Variants in TBC1D2B observed in about 807,000 individuals in gnomAD.
TBC1D2B encodes the protein TBC1 domain family, member 2B.
In TBC1D2B, 64 loss-of-function variants were observed where a neutral mutation model predicts 100.8. The ratio of observed to expected loss-of-function variants is 0.64; its 90% CI spans 0.52 to 0.78. TBC1D2B has a LOEUF of 0.78. TBC1D2B is among the 30% of genes least tolerant of loss of function. The pLI, the probability that TBC1D2B is intolerant of heterozygous loss-of-function variation, is 0.00. For missense variants in TBC1D2B, 1,052 were observed against 1,218.4 expected (o/e 0.86, Z 2.03); for synonymous variants, 480 against 479.7 (o/e 1.00, Z -0.01).
At chr15:78,059,457 G>A (rs1342583374) in intron 1 of TBC1D2B, among the ~76,000 whole-genome samples, 1 of 152,190 alleles carries the variant, frequency 6.6e-6, no homozygotes, top group Non-Finnish European at 1.5e-5. Context: ...CTACATGGCT[G>A]CATGAACGTC....
At chr15:78,031,340 G>A (rs1035215652) in intron 3 of TBC1D2B, among the ~76,000 whole-genome samples, 5 of 152,080 alleles carry the variant, frequency 3.3e-5, no homozygotes, top group African/African-American at 9.7e-5. Context: ...TATCACCTGA[G>A]GTCAGGAGTT....
intron 1 of TBC1D2B, among the ~76,000 whole-genome samples, chr15:78,057,560 T>C (rs2073451666): frequency 6.6e-6 from 1 of 152,016 alleles, no homozygotes; most frequent in Admixed American, 6.6e-5. Flanking sequence ...GCAGGAGAAC[T>C]GCTTGAACCC....
chr15:78,028,747 A>G (rs1235710874), intron 4 of TBC1D2B, among the ~76,000 whole-genome samples: 3 of 152,360 alleles, frequency 2.0e-5, no homozygotes, highest in African/African-American at 7.2e-5. Context: ...CAGGAATTAC[A>G]TGGGACAGAG....
chr15:78,052,856 T>C (rs1395745379), intron 2 of TBC1D2B, among the ~76,000 whole-genome samples: 1 of 152,114 alleles, frequency 6.6e-6, no homozygotes, highest in Non-Finnish European at 1.5e-5. Context: ...AACAACTCAG[T>C]TAACAGTGAC....
At position 78,012,576 on chromosome 15, in the gene TBC1D2B, G is replaced by A. The variant is rs1224332478; in HGVS notation, c.2270+247C>T. Among the ~76,000 whole-genome samples, 5 of 152,212 alleles carry A rather than the reference G, an allele frequency of 3.3e-5. No homozygotes were observed. In the East Asian group the frequency reaches 9.6e-4, roughly 29 times the overall value. On this transcript the variant is annotated intron_variant, in intron 9 of 12. Coordinates refer to ENST00000300584, the MANE Select transcript of TBC1D2B (RefSeq NM_144572.2). ...GCGATGAGAACAAACAGGAAAAAAT[G>A]AGACTCCAAGTAGTTTCAAATGAAT...
intron 2 of TBC1D2B, among the ~76,000 whole-genome samples, chr15:78,052,873 C>T (rs1463621191): frequency 1.3e-5 from 2 of 152,136 alleles, no homozygotes; most frequent in Non-Finnish European, 2.9e-5. Flanking sequence ...TGACTCGACT[C>T]TGAACGAAAC....
chr15:78,025,436 A>G lies in TBC1D2B; in HGVS notation c.909T>C (p.Pro303=). ...TGTACGACCCAATTATGTCTTTCAA[A>G]GGGCGCTTTCCTTTGTAGGGGTTAC... ...FGRNPYKGKR[P]LKDIIGSYKN... Residue 303 remains proline (P), a synonymous_variant, in exon 5 of 13, where the codon CCT becomes CCC. Coordinates refer to ENST00000300584, the MANE Select transcript of TBC1D2B (RefSeq NM_144572.2). The G allele has an allele frequency of 6.2e-7, 1 of 1,614,016 alleles. No homozygotes were observed. Among genetic ancestry groups the G allele is most frequent in the Non-Finnish European group, 8.5e-7 (1 of 1,179,898 alleles).
intron 1 of TBC1D2B, among the ~76,000 whole-genome samples, chr15:78,076,791 T>C (rs1488382664): frequency 6.6e-6 from 1 of 152,206 alleles, no homozygotes; most frequent in Non-Finnish European, 1.5e-5. Flanking sequence ...CACTGACATT[T>C]ACTGAGCAGT....
At chr15:78,051,261 T>C (rs1340847475) in intron 2 of TBC1D2B, among the ~76,000 whole-genome samples, 1 of 152,236 alleles carries the variant, frequency 6.6e-6, no homozygotes, top group Non-Finnish European at 1.5e-5. Context: ...TATCATCTCA[T>C]ATATATGTAT....
At chr15:78,013,372 C>T in intron 8 of TBC1D2B, 55 bp from the exon 9 acceptor site, 1 of 1,467,650 alleles carries the variant, frequency 6.8e-7, no homozygotes, top group Non-Finnish European at 9.1e-7. Flanking sequence ...GCAACAAAGA[C>T]CAATGCAACA....
intron 2 of TBC1D2B, among the ~76,000 whole-genome samples, chr15:78,049,344 T>A (rs1596324581): frequency 6.6e-6 from 1 of 152,338 alleles, no homozygotes; most frequent in East Asian, 1.9e-4. Flanking sequence ...AGTGACTTAA[T>A]AAATATTGGT....
intron 1 of TBC1D2B, among the ~76,000 whole-genome samples, chr15:78,071,315 G>A (rs575469117): frequency 6.6e-6 from 1 of 152,306 alleles, no homozygotes; most frequent in African/African-American, 2.4e-5. Flanking sequence ...TTTGCGAAAT[G>A]TGAAAATTAT....
rs1371159178 is a variant in TBC1D2B, at chr15:78,016,734, A to G, written c.1587T>C (p.Ser529=). Residue 529 remains serine (S), a synonymous_variant, in exon 8 of 13, where the codon TCT becomes TCC. Transcript: ENST00000300584. The stretch of plus-strand genomic sequence containing the variant: ...TCTGGCAGAGCTTGGCTTCCAGGCT[A>G]GAATACTGCAGAGAATGTGGTGGTT... ...RRERDLMAKY[S]SLEAKLCQIE... 1 of 1,536,886 alleles carries G rather than the reference A, an allele frequency of 6.5e-7. No homozygotes were observed. Among genetic ancestry groups the G allele is most frequent in the Non-Finnish European group, 8.7e-7 (1 of 1,144,560 alleles).
chr15:78,033,146 G>C (rs1328674085), intron 3 of TBC1D2B, among the ~76,000 whole-genome samples: 1 of 152,166 alleles, frequency 6.6e-6, no homozygotes, highest in African/African-American at 2.4e-5. Context: ...AATTTTTATA[G>C]TTAAACTGTC....
At chr15:78,011,079 A>C (rs1051285998) in intron 9 of TBC1D2B, among the ~76,000 whole-genome samples, 7 of 152,216 alleles carry the variant, frequency 4.6e-5, no homozygotes, top group South Asian at 2.1e-4. Context: ...AAGCAAAACA[A>C]AACTGCTTTA....
chr15:78,036,097 T>G (rs1169924643), intron 3 of TBC1D2B, among the ~76,000 whole-genome samples: 1 of 152,242 alleles, frequency 6.6e-6, no homozygotes, highest in Non-Finnish European at 1.5e-5. Flanking sequence ...TAGTGGATAC[T>G]GTACAATCCC....
intron 9 of TBC1D2B, among the ~76,000 whole-genome samples, chr15:78,012,524 A>G (rs779222448): frequency 6.6e-6 from 1 of 152,222 alleles, no homozygotes; most frequent in African/African-American, 2.4e-5. Flanking sequence ...AAACTAATAA[A>G]ATCAAACTTC....
At chr15:78,067,438 C>T (rs1257142645) in intron 1 of TBC1D2B, among the ~76,000 whole-genome samples, 1 of 152,258 alleles carries the variant, frequency 6.6e-6, no homozygotes, top group African/African-American at 2.4e-5. Context: ...ATTTAGAAAG[C>T]TGGCCACCTT....
chr15:78,049,597 A>G (rs966415444), intron 2 of TBC1D2B, among the ~76,000 whole-genome samples: 1 of 151,616 alleles, frequency 6.6e-6, no homozygotes, highest in African/African-American at 2.4e-5. Flanking sequence ...TTCTCCTGCA[A>G]TCTGGCTCAG....
Sources: allele counts gnomAD v4.1 joint callset (sites outside exome capture counted in the v4.1 genomes callset), GRCh38; gene constraint gnomAD v4.1.1; transcripts MANE v1.5; gene names NCBI Gene and HGNC (gene_info 2026-07-23, HGNC 2026-07-21).